LTV1: variants seen among roughly 807,000 people sequenced by gnomAD.
LTV1 encodes the protein protein LTV1 homolog.
A neutral mutation model predicts 59.9 loss-of-function variants in LTV1; 39 were observed. The ratio of observed to expected loss-of-function variants is 0.65; its 90% CI spans 0.50 to 0.85. LTV1 has a LOEUF of 0.85. Among genes scored for constraint, LTV1 ranks in the 40% least tolerant of loss-of-function variants. The pLI is 0.00. For missense variants in LTV1, 493 were observed against 549.1 expected (o/e 0.90, Z 1.02); for synonymous variants, 171 against 189.5 (o/e 0.90, Z 0.80).
chr6:143,847,333 A>G (rs1010274823), intron 3 of LTV1, among the ~76,000 whole-genome samples: 1 of 152,212 alleles, frequency 6.6e-6, no homozygotes, highest in Non-Finnish European at 1.5e-5. Context: ...CCTGGCTTGT[A>G]TTGACCAGTA....
At position 143,863,003 on chromosome 6, in the gene LTV1, A is replaced by G. The variant is rs1562333761; in HGVS notation, c.1117-83A>G. ...CTTTATGGCTAGAGTGATATTAGAA[A>G]AAGCATCAACAGTATGTCATTAATG... On this transcript the variant is annotated intron_variant, in intron 9 of 10. Transcript: ENST00000367576. The surrounding 1 kb of genome is among the most constrained non-coding windows in gnomAD (Gnocchi z 4.5). The G allele has an allele frequency of 6.9e-7, 1 of 1,458,786 alleles. No individual in the cohort carries two copies. Among genetic ancestry groups the G allele is most frequent in the East Asian group, 2.3e-5 (1 of 44,064 alleles). The allele number at this position is 1,458,786 out of a possible 1,614,324, so 90.4% of individuals were successfully genotyped here.
intron 3 of LTV1, among the ~76,000 whole-genome samples, chr6:143,846,883 T>TA (rs1214345636): frequency 6.6e-6 from 1 of 152,036 alleles, no homozygotes; most frequent in African/African-American, 2.4e-5. Context: ...CCTAGCACTT[T>TA]AAAAAAAGGA....
chr6:143,844,441 T>G (rs1562328226), intron 1 of LTV1, 45 bp from the exon 2 acceptor site: 3 of 1,599,796 alleles, frequency 1.9e-6, no homozygotes, highest in Non-Finnish European at 2.6e-6. Context: ...TTCTCCGTCT[T>G]TTTGTTCTGT....
chr6:143,860,386 A>ATTTGCT, intron 6 of LTV1, 40 bp from the exon 7 acceptor site: 1 of 1,597,952 alleles, frequency 6.3e-7, no homozygotes. Flanking sequence ...TACTGAGTAC[A>ATTTGCT]TTTGCTTTTC....
intron 3 of LTV1, among the ~76,000 whole-genome samples, chr6:143,846,729 T>C (rs1562328904): frequency 1.3e-5 from 2 of 152,352 alleles, no homozygotes; most frequent in South Asian, 4.1e-4. Flanking sequence ...CAAATGATAG[T>C]ACGTGTTTAT....
intron 3 of LTV1, among the ~76,000 whole-genome samples, chr6:143,849,313 A>G (rs1272487335): frequency 6.6e-6 from 1 of 152,208 alleles, no homozygotes; most frequent in Non-Finnish European, 1.5e-5. Flanking sequence ...AATTCATACA[A>G]GGGCTGTGCC....
At chr6:143,860,781 CCTA>C (rs572120694) in intron 7 of LTV1, among the ~76,000 whole-genome samples, 130 of 152,178 alleles carry the variant, frequency 8.5e-4, no homozygotes, top group African/African-American at 3.0e-3. Context: ...CATTGTTTTG[CCTA>C]CATTTTGGTG....
At position 143,857,423 on chromosome 6, in the gene LTV1, A is replaced by G; in HGVS notation, c.518A>G (p.Glu173Gly). ...FILQANKATG[E>G]EEGMDIQKSE... is the part of the protein sequence containing the mutation. ...CTTCAGGCCAATAAGGCAACAGGAGAGGAAGAGGGAATGGATATACAGTAT... is the reference window on the plus strand; with the variant it reads ...CTTCAGGCCAATAAGGCAACAGGAGGGGAAGAGGGAATGGATATACAGTAT... The change falls in exon 5 of 11, where the codon GAG (glutamate) becomes GGG (glycine). Residue 173 changes from glutamate to glycine, a missense_variant. By Grantham distance (98) the Glu-to-Gly change is moderately conservative. Coordinates refer to ENST00000367576, the MANE Select transcript of LTV1 (RefSeq NM_032860.5). The surrounding 1 kb of genome is among the most constrained non-coding windows in gnomAD (Gnocchi z 5.2). 4 of 1,613,998 alleles carry G rather than the reference A, an allele frequency of 2.5e-6. No homozygotes were observed. The highest frequency in any genetic ancestry group is 1.7e-5 in the Admixed American group (1 of 60,024).
At chr6:143,845,945 A>C in intron 2 of LTV1, 106 bp from the exon 3 acceptor site, 1 of 1,012,072 alleles carries the variant, frequency 9.9e-7, no homozygotes, top group East Asian at 2.7e-5. Context: ...TCCTACTTGG[A>C]AAGCTGTACT....
intron 7 of LTV1, among the ~76,000 whole-genome samples, chr6:143,860,997 G>C (rs1001141294): frequency 6.6e-6 from 1 of 151,486 alleles, no homozygotes; most frequent in East Asian, 1.9e-4. Flanking sequence ...CCCAGGTTCA[G>C]GTGATTCTCC....
chr6:143,857,068 A>T lies in LTV1; in HGVS notation c.398-235A>T, dbSNP rs1035329677. On this transcript the variant is annotated intron_variant, in intron 4 of 10. Coordinates refer to ENST00000367576, the MANE Select transcript of LTV1 (RefSeq NM_032860.5). This position sits in a 1 kb window ranked among gnomAD's most constrained non-coding sequence, Gnocchi z 5.2. Reference sequence around the variant, plus strand: ...TTCCCCCAGGTGCTCTGTCCCAGGAAGATGGGAGTTTTATTTATAAGGTCC... The same window carrying T: ...TTCCCCCAGGTGCTCTGTCCCAGGATGATGGGAGTTTTATTTATAAGGTCC... Among the ~76,000 whole-genome samples, 3 of 152,204 alleles carry T rather than the reference A, an allele frequency of 2.0e-5. No individual in the cohort carries two copies. Among genetic ancestry groups the T allele is most frequent in the African/African-American group, 7.2e-5 (3 of 41,452 alleles).
chr6:143,851,314 T>C (rs1001809885), intron 4 of LTV1, among the ~76,000 whole-genome samples: 1 of 152,134 alleles, frequency 6.6e-6, no homozygotes, highest in Non-Finnish European at 1.5e-5. Flanking sequence ...GTGCCCAGAG[T>C]CAGCCTAGTA....
At position 143,863,377 on chromosome 6, in the gene LTV1, A is replaced by G; in HGVS notation, c.1318-40A>G. ...GTAAAAGCAGTCTGTATCAGTTTAAAGATGTGAATAATACAAGTATATTCT... is the reference window on the plus strand; with the variant it reads ...GTAAAAGCAGTCTGTATCAGTTTAAGGATGTGAATAATACAAGTATATTCT... On this transcript the variant is annotated intron_variant, in intron 10 of 10. Transcript: ENST00000367576. This position sits in a 1 kb window ranked among gnomAD's most constrained non-coding sequence, Gnocchi z 4.5. 1 of 1,595,488 alleles carries G rather than the reference A, an allele frequency of 6.3e-7. No homozygotes were observed. Among genetic ancestry groups the G allele is most frequent in the Non-Finnish European group, 8.6e-7 (1 of 1,164,698 alleles).
intron 4 of LTV1, among the ~76,000 whole-genome samples, chr6:143,851,194 T>C (rs562952123): frequency 6.6e-6 from 1 of 152,124 alleles, no homozygotes; most frequent in East Asian, 1.9e-4. Flanking sequence ...TAGCAGAGGG[T>C]GTTGGAGGCC....
Position 143,862,849 on chromosome 6 carries a change from TACTC to T in LTV1, c.1071_1074del (p.Tyr357Ter), listed in dbSNP as rs1325639500. The T allele has an allele frequency of 2.6e-6, 4 of 1,566,056 alleles. No homozygotes were observed. In the Admixed American group the frequency reaches 6.7e-5, roughly 26 times the overall value. ...ACTTTTATTTGTTTGTTTAGGTACA[TACTC>T]AAATTTATATAACCATCCACAGCTT... On this transcript the variant is annotated frameshift_variant, in exon 9 of 11. Coordinates refer to ENST00000367576, the MANE Select transcript of LTV1 (RefSeq NM_032860.5). LOFTEE classifies it high-confidence loss of function. This position sits in a 1 kb window ranked among gnomAD's most constrained non-coding sequence, Gnocchi z 4.2.
intron 3 of LTV1, among the ~76,000 whole-genome samples, chr6:143,848,193 G>A (rs1014308476): frequency 1.3e-5 from 2 of 152,122 alleles, no homozygotes; most frequent in African/African-American, 4.8e-5. Flanking sequence ...CTGACCTTGT[G>A]TTTAACCCCA....
At chr6:143,847,304 A>G (rs1308220254) in intron 3 of LTV1, among the ~76,000 whole-genome samples, 1 of 152,198 alleles carries the variant, frequency 6.6e-6, no homozygotes, top group African/African-American at 2.4e-5. Flanking sequence ...TAAGGGAGAA[A>G]ATTCTTAGTA....
rs188946775 is a variant in LTV1 at position 143,854,403 on chromosome 6, C to T, written c.398-2900C>T. ...TGTTAATCTTTTCAAAAAACTAGCT[C>T]CTGGATTCATTGGTTTTTTTGAAGG... On this transcript the variant is annotated intron_variant, in intron 4 of 10. Transcript: ENST00000367576. Among the ~76,000 whole-genome samples, 429 of 152,210 alleles carry T rather than the reference C, an allele frequency of 2.8e-3. 3 individuals are homozygous for T. Among genetic ancestry groups the T allele is most frequent in the Non-Finnish European group, 5.2e-3 (351 of 68,020 alleles).
rs1777092458 is a variant in LTV1, at chr6:143,857,301, AGGACCTCGACT to A, written c.400_410del (p.Pro134PhefsTer2). 7 of 1,613,702 alleles carry A rather than the reference AGGACCTCGACT, an allele frequency of 4.3e-6. No homozygotes were observed. Among genetic ancestry groups the A allele is most frequent in the Non-Finnish European group, 5.9e-6 (7 of 1,179,672 alleles). On this transcript the variant is annotated splice_acceptor_variant and coding_sequence_variant, in exon 5 of 11. Coordinates refer to ENST00000367576, the MANE Select transcript of LTV1 (RefSeq NM_032860.5). LOFTEE classifies it high-confidence loss of function. This position sits in a 1 kb window ranked among gnomAD's most constrained non-coding sequence, Gnocchi z 5.2. Reference sequence around the variant, plus strand: ...ACTGCTTAATTTTTGTTTTCCTTCTAGGACCTCGACTGGATTTTGATCCTGACATTGTTGCA... The same window carrying A: ...ACTGCTTAATTTTTGTTTTCCTTCTAGGATTTTGATCCTGACATTGTTGCA...
Sources: allele counts gnomAD v4.1 joint callset (sites outside exome capture counted in the v4.1 genomes callset), GRCh38; gene constraint gnomAD v4.1.1; non-coding constraint Gnocchi (gnomAD v3.1); transcripts MANE v1.5; gene names NCBI Gene and HGNC (gene_info 2026-07-23, HGNC 2026-07-21).